Variants in WDR27 observed in about 807,000 individuals in gnomAD.
The protein encoded by WDR27 is WD repeat domain 27.
A neutral mutation model predicts 114.4 loss-of-function variants in WDR27; 100 were observed. That is an observed-to-expected ratio of 0.87 (90% confidence interval 0.74 to 1.03). WDR27 has a LOEUF of 1.03. Among genes scored for constraint, WDR27 ranks in the 50% least tolerant of loss-of-function variants. WDR27 has a pLI of 0.00. For missense variants in WDR27, 1,129 were observed against 1,092.9 expected, an observed-to-expected ratio of 1.03 and a Z score of -0.47; for synonymous variants, 449 against 423.1, an observed-to-expected ratio of 1.06 and a Z score of -0.75.
intron 2 of WDR27, among the ~76,000 whole-genome samples, chr6:169,676,598 A>G (rs534240435): frequency 6.6e-6 from 1 of 152,210 alleles, no homozygotes; most frequent in African/African-American, 2.4e-5. Flanking sequence ...AATATTTACA[A>G]TCTATTCTCT....
intron 21 of WDR27, among the ~76,000 whole-genome samples, chr6:169,626,438 A>C (rs1400753200): frequency 6.6e-6 from 1 of 152,140 alleles, no homozygotes; most frequent in Admixed American, 6.5e-5. Flanking sequence ...TCTCTGGGCC[A>C]CACAGTGGGC....
intron 3 of WDR27, chr6:169,671,418 C>A (rs1778717212): frequency 6.6e-6 from 1 of 152,322 alleles, no homozygotes. Flanking sequence ...CCACAGCCAC[C>A]CAGTCTAGAG....
chr6:169,568,202 G>A (rs1324455241), intron 25 of WDR27, among the ~76,000 whole-genome samples: 2 of 152,114 alleles, frequency 1.3e-5, no homozygotes, highest in African/African-American at 4.8e-5. Flanking sequence ...GGAGAAAGAG[G>A]CAGAAGGTGA....
At chr6:169,577,835 AGG>A (rs1562617641) in intron 24 of WDR27, among the ~76,000 whole-genome samples, 1 of 152,108 alleles carries the variant, frequency 6.6e-6, no homozygotes. Context: ...CCCTTGGGCT[AGG>A]ACTTAGACCT....
At chr6:169,509,798 A>G (rs1792542281) in intron 25 of WDR27, among the ~76,000 whole-genome samples, 1 of 152,252 alleles carries the variant, frequency 6.6e-6, no homozygotes, top group South Asian at 2.1e-4. Context: ...ATTAAACTAA[A>G]GAGCTTCTGC....
At chr6:169,658,485 CTGAAAA>C in intron 12 of WDR27, 127 bp from the exon 13 acceptor site, 1 of 695,312 alleles carries the variant, frequency 1.4e-6, no homozygotes, top group African/African-American at 1.8e-5. Flanking sequence ...ATAACAGTAT[CTGAAAA>C]TGAAAACTGT....
At chr6:169,435,574 G>C in the WDR27 span, among the ~76,000 whole-genome samples, 1 of 152,234 alleles carries the variant, frequency 6.6e-6, no homozygotes, top group African/African-American at 2.4e-5. Context: ...TTATTTTGTA[G>C]CTTTAAGATT....
At chr6:169,615,996 G>C (rs11966191) in intron 21 of WDR27, among the ~76,000 whole-genome samples, 2,046 of 146,780 alleles carry the variant, frequency 0.014, 51 homozygotes, top group African/African-American at 0.048. Context: ...GGCGCAAACA[G>C]CACACGCGAA....
chr6:169,522,455 C>T (rs1794493228), intron 25 of WDR27, among the ~76,000 whole-genome samples: 2 of 151,980 alleles, frequency 1.3e-5, no homozygotes, highest in Non-Finnish European at 2.9e-5. Context: ...AAGCTACACC[C>T]TTGACCAAAT....
intron 25 of WDR27, among the ~76,000 whole-genome samples, chr6:169,516,572 T>A (rs575201911): frequency 1.3e-5 from 2 of 152,080 alleles, no homozygotes; most frequent in Non-Finnish European, 2.9e-5. Flanking sequence ...GGGAAGACGA[T>A]GTACAAACCA....
chr6:169,502,404 A>C (rs1791411669), intron 25 of WDR27, among the ~76,000 whole-genome samples: 1 of 152,146 alleles, frequency 6.6e-6, no homozygotes, highest in Non-Finnish European at 1.5e-5. Flanking sequence ...CTTACACTGT[A>C]GTTTTTTTGT....
intron 21 of WDR27, among the ~76,000 whole-genome samples, chr6:169,615,547 T>C (rs2128189294): frequency 1.3e-5 from 2 of 152,284 alleles, no homozygotes; most frequent in Middle Eastern, 6.8e-3. Context: ...GGGCTCCCTA[T>C]TCAATAAATG....
intron 23 of WDR27, among the ~76,000 whole-genome samples, chr6:169,601,077 C>T (rs1006043995): frequency 3.9e-5 from 6 of 152,068 alleles, no homozygotes; most frequent in African/African-American, 1.4e-4. Flanking sequence ...GTCGGGTTAC[C>T]CACAAAGGGA....
At chr6:169,465,606 C>T (rs1195267055) in intron 25 of WDR27, among the ~76,000 whole-genome samples, 1 of 152,138 alleles carries the variant, frequency 6.6e-6, no homozygotes, top group African/African-American at 2.4e-5. Flanking sequence ...ATGTTTATAG[C>T]AGCATTCTTA....
intron 1 of WDR27, among the ~76,000 whole-genome samples, chr6:169,701,340 C>T (rs879635626): frequency 1.3e-5 from 2 of 152,068 alleles, no homozygotes; most frequent in Non-Finnish European, 2.9e-5. Flanking sequence ...GTTAGGAAAA[C>T]CTAGCCTGGT....
At chr6:169,670,785 C>T (rs1778524467) in intron 3 of WDR27, 92 bp from the exon 4 acceptor site, 1 of 1,461,146 alleles carries the variant, frequency 6.8e-7, no homozygotes, top group South Asian at 1.3e-5. Context: ...ACCCTCTATT[C>T]TAAAATTACT....
intron 25 of WDR27, among the ~76,000 whole-genome samples, chr6:169,557,518 T>A (rs1008967515): frequency 1.3e-5 from 2 of 152,250 alleles, no homozygotes; most frequent in Admixed American, 6.5e-5. Flanking sequence ...TCACCCTACA[T>A]GATTTAGAAC....
intron 25 of WDR27, among the ~76,000 whole-genome samples, chr6:169,536,641 G>A (rs190973554): frequency 4.5e-4 from 69 of 152,244 alleles, no homozygotes; most frequent in Admixed American, 3.5e-3. Context: ...TGCTCTTTAA[G>A]CCAAGAAGTT....
rs141426892 is a variant in WDR27 at position 169,512,016 on chromosome 6, C to T, written c.2646-54382G>A. Among the ~76,000 whole-genome samples, 332 of 152,222 alleles carry T rather than the reference C, an allele frequency of 2.2e-3. 4 individuals carry two copies. Among genetic ancestry groups the T allele is most frequent in the African/African-American group, 7.6e-3 (317 of 41,538 alleles). ...TCATGTATCTGCAGATGGCAGTGTA[C>T]ATCTTTTTTCAAACAAAGGATTTTA... is the stretch of plus-strand genomic sequence containing the variant. On this transcript the variant is annotated intron_variant, in intron 25 of 25. Coordinates refer to ENST00000448612, the MANE Select transcript of WDR27 (RefSeq NM_182552.5).
Sources: gnomAD v4.1 joint callset for allele counts (sites outside exome capture counted in the v4.1 genomes callset) on GRCh38, gnomAD v4.1.1 for gene constraint, MANE v1.5 for transcripts, NCBI Gene and HGNC (gene_info 2026-07-23, HGNC 2026-07-21) for gene names.